THAP11: variants seen among roughly 807,000 people sequenced by gnomAD.
THAP11 encodes the protein THAP domain-containing protein 11.
A neutral mutation model predicts 24.1 loss-of-function variants in THAP11; 8 were observed. That is an observed-to-expected ratio of 0.33 (90% CI 0.20 to 0.60). The LOEUF (loss-of-function observed/expected upper bound fraction) is 0.60. Among genes scored for constraint, THAP11 ranks in the 20% least tolerant of loss-of-function variants. THAP11 has a pLI of 0.82. For missense variants in THAP11, 276 were observed against 418.4 expected (o/e 0.66, Z 2.97); for synonymous variants, 222 against 180.2 (o/e 1.23, Z -1.86).
In THAP11 at chr16:67,843,041, A is replaced by G. The variant is rs140098026; in HGVS notation, c.487A>G (p.Thr163Ala). 5 of 1,612,380 alleles carry G rather than the reference A, an allele frequency of 3.1e-6. 1 individual carries two copies. The highest frequency in any genetic ancestry group is 1.6e-4 in the Middle Eastern group (1 of 6,062). Residue 163 changes from threonine to alanine, a missense_variant, in exon 1 of 1, where the codon ACT (threonine) becomes GCT (alanine). This residue lies in a region of THAP11 where 210 missense variants were observed against 203.4 expected (regional missense o/e 1.03). Transcript: ENST00000303596. This position sits in a 1 kb window ranked among gnomAD's most constrained non-coding sequence, Gnocchi z 5.7. ...SAAVLLTLQA[T>A]VDSSQAPGSV... ...GGCCGTGCTTCTCACCCTTCAGGCC[A>G]CTGTAGACAGCAGTCAGGCTCCGGG...
In THAP11 at chr16:67,842,872, GCAACAGCAGCAGCAGCAGCAA is replaced by G. The variant is rs1567374248; in HGVS notation, c.321_341del (p.Gln126_Gln132del). 4 of 1,604,552 alleles carry G rather than the reference GCAACAGCAGCAGCAGCAGCAA, an allele frequency of 2.5e-6. No homozygotes were observed. Among genetic ancestry groups the G allele is most frequent in the Admixed American group, 1.7e-5 (1 of 59,710 alleles). ...CGGCCGCCCGCCGCAGGCAGCAGCA[GCAACAGCAGCAGCAGCAGCAA>G]CAGCAGCAACAGCAGCAGCAGCAGC... On this transcript the variant is annotated inframe_deletion, in exon 1 of 1. Transcript: ENST00000303596. The surrounding 1 kb of genome is among the most constrained non-coding windows in gnomAD (Gnocchi z 4.9).
rs569644247 is a variant in THAP11 at position 67,842,957 on chromosome 16, C to T, written c.403C>T (p.Pro135Ser). 5.0e-6 allele frequency: 8 copies of T among 1,611,898 alleles called. No homozygotes were observed. Among genetic ancestry groups the T allele is most frequent in the South Asian group, 3.3e-5 (3 of 91,090 alleles). ...QQQQQQQQSSPSASTAQTAQL... is the reference protein window; with the variant it reads ...QQQQQQQQSSSSASTAQTAQL... The stretch of plus-strand genomic sequence containing the variant: ...GCAGCAGCAGCAGCAGCAGTCCTCA[C>T]CCTCTGCCTCCACTGCCCAGACTGC... The change falls in exon 1 of 1, where the codon CCC becomes TCC. Residue 135 changes from proline to serine, a missense_variant. Physicochemically the swap from Pro to Ser is moderately conservative, Grantham distance 74 (BLOSUM62 -1). Coordinates refer to ENST00000303596, the MANE Select transcript of THAP11 (RefSeq NM_020457.3). This position sits in a 1 kb window ranked among gnomAD's most constrained non-coding sequence, Gnocchi z 4.9.
At position 67,842,862 on chromosome 16, in the gene THAP11, GGCAGCAGCAGCAACA is replaced by G. The variant is rs756173111; in HGVS notation, c.321_335del (p.Gln128_Gln132del). 9 of 1,607,920 alleles carry G rather than the reference GGCAGCAGCAGCAACA, an allele frequency of 5.6e-6. No individual in the cohort carries two copies. Among genetic ancestry groups the G allele is most frequent in the Non-Finnish European group, 6.8e-6 (8 of 1,177,538 alleles). The stretch of plus-strand genomic sequence containing the variant: ...GCTGGGGCCGCGGCCGCCCGCCGCA[GGCAGCAGCAGCAACA>G]GCAGCAGCAGCAGCAACAGCAGCAA... On this transcript the variant is annotated inframe_deletion, in exon 1 of 1. Coordinates refer to ENST00000303596, the MANE Select transcript of THAP11 (RefSeq NM_020457.3). This position sits in a 1 kb window ranked among gnomAD's most constrained non-coding sequence, Gnocchi z 4.9.
Position 67,842,794 on chromosome 16 carries a change from C to T in THAP11, c.240C>T (p.Phe80=), listed in dbSNP as rs188675529. ...ACACGGTACGCGTCCCCACCATCTT[C>T]CCGCTGCGCGGCGTCAATGAGCGCA... is the stretch of plus-strand genomic sequence containing the variant. ...KTYTVRVPTI[F]PLRGVNERKV... is the part of the protein sequence containing the mutation. Residue 80 remains phenylalanine (F), a synonymous_variant, in exon 1 of 1, where the codon TTC becomes TTT. Coordinates refer to ENST00000303596, the MANE Select transcript of THAP11 (RefSeq NM_020457.3). This position sits in a 1 kb window ranked among gnomAD's most constrained non-coding sequence, Gnocchi z 4.9. 5.9e-4 allele frequency: 948 copies of T among 1,611,282 alleles called. 11 individuals are homozygous for T. The East Asian group carries it at 0.019, about 32-fold the overall frequency.
At position 67,843,037 on chromosome 16, in the gene THAP11, G is replaced by A; in HGVS notation, c.483G>A (p.Gln161=). ...CCGCGGCCGTGCTTCTCACCCTTCA[G>A]GCCACTGTAGACAGCAGTCAGGCTC... ...SASAAVLLTL[Q]ATVDSSQAPG... The change falls in exon 1 of 1, where the codon CAG becomes CAA. Residue 161 remains glutamine, a synonymous_variant. Transcript: ENST00000303596. The surrounding 1 kb of genome is among the most constrained non-coding windows in gnomAD (Gnocchi z 5.7). The A allele has an allele frequency of 1.2e-6, 2 of 1,612,420 alleles. No homozygotes were observed. Among genetic ancestry groups the A allele is most frequent in the Non-Finnish European group, 1.7e-6 (2 of 1,180,036 alleles).
Position 67,843,580 on chromosome 16 carries a change from TC to T in THAP11, c.*83del. On this transcript the variant is annotated 3_prime_UTR_variant, in exon 1 of 1. Transcript: ENST00000303596. This position sits in a 1 kb window ranked among gnomAD's most constrained non-coding sequence, Gnocchi z 5.7. Reference sequence around the variant, plus strand: ...AGGCCATTGTTGAACTCCTCTATACTCCTGGGCACTGGTTGACAGTACTGAG... The same window carrying T: ...AGGCCATTGTTGAACTCCTCTATACTCTGGGCACTGGTTGACAGTACTGAG... The T allele has an allele frequency of 7.2e-7, 1 of 1,393,856 alleles. No individual in the cohort carries two copies. Among genetic ancestry groups the T allele is most frequent in the Non-Finnish European group, 9.7e-7 (1 of 1,026,352 alleles). The allele number at this position is 1,393,856 out of a possible 1,614,324, so 86.3% of individuals were successfully genotyped here. A position where few individuals can be genotyped will look rare whatever the true frequency, so the allele number is the denominator to read the frequency against.
In THAP11 at chr16:67,843,720, G is replaced by C. The variant is rs2057780373; in HGVS notation, c.*221G>C. On this transcript the variant is annotated 3_prime_UTR_variant, in exon 1 of 1. Coordinates refer to ENST00000303596, the MANE Select transcript of THAP11 (RefSeq NM_020457.3). The surrounding 1 kb of genome is among the most constrained non-coding windows in gnomAD (Gnocchi z 5.7). ...TGGTGACACCAGCAATTATGACTTT[G>C]TCTACCCTTCCTCCCCAGTTATTGT... The C allele has an allele frequency of 1.9e-6, 1 of 513,670 alleles. No individual in the cohort carries two copies. The highest frequency in any genetic ancestry group is 3.5e-6 in the Non-Finnish European group (1 of 283,332). The allele number at this position is 513,670 out of a possible 1,614,324, so 31.8% of individuals were successfully genotyped here. A position where few individuals can be genotyped will look rare whatever the true frequency, so the allele number is the denominator to read the frequency against.
chr16:67,842,902 A>AGCAGCAGCAGCAGCAACAGCAGCAG lies in THAP11; in HGVS notation c.348_349insGCAGCAGCAGCAGCAACAGCAGCAG (p.Gln117AlafsTer131), dbSNP rs2057773216. ...AGCAGCAGCAGCAGCAACAGCAGCA[A>AGCAGCAGCAGCAGCAACAGCAGCAG]CAGCAGCAGCAGCAGCAACAGCAGC... On this transcript the variant is annotated frameshift_variant, in exon 1 of 1. Transcript: ENST00000303596. LOFTEE classifies it high-confidence loss of function. This position sits in a 1 kb window ranked among gnomAD's most constrained non-coding sequence, Gnocchi z 4.9. 52 of 1,583,176 alleles carry AGCAGCAGCAGCAGCAACAGCAGCAG rather than the reference A, an allele frequency of 3.3e-5. No individual in the cohort carries two copies. The Admixed American group carries it at 4.2e-4, about 13-fold the overall frequency.
chr16:67,842,983 C>A lies in THAP11; in HGVS notation c.429C>A (p.Ala143=). The change falls in exon 1 of 1, where the codon GCC becomes GCA. Residue 143 remains alanine (A), a synonymous_variant. Coordinates refer to ENST00000303596, the MANE Select transcript of THAP11 (RefSeq NM_020457.3). This position sits in a 1 kb window ranked among gnomAD's most constrained non-coding sequence, Gnocchi z 4.9. ...SSPSASTAQT[A]QLQPNLVSAS... is the part of the protein sequence containing the mutation. ...CCTCTGCCTCCACTGCCCAGACTGC[C>A]CAGCTGCAGCCGAACCTGGTATCTG... 1 of 1,612,234 alleles carries A rather than the reference C, an allele frequency of 6.2e-7. No homozygotes were observed.
rs1383934976 is a variant in THAP11, at chr16:67,842,584, C to T, written c.30C>T (p.Gly10=). The change falls in exon 1 of 1, where the codon GGC becomes GGT. Residue 10 remains glycine, a synonymous_variant. Transcript: ENST00000303596. The surrounding 1 kb of genome is among the most constrained non-coding windows in gnomAD (Gnocchi z 4.9). MPGFTCCVP[G]CYNNSHRDKA... ...CTGGCTTTACGTGCTGCGTGCCAGG[C>T]TGCTACAACAACTCGCACCGGGACA... 8 of 1,544,650 alleles carry T rather than the reference C, an allele frequency of 5.2e-6. No homozygotes were observed. The Admixed American group carries it at 7.9e-5, about 15-fold the overall frequency.
rs1340303866 is a variant in THAP11, at chr16:67,842,848, G to C, written c.294G>C (p.Ala98=). ...TAGCGCGCAGACCCGCTGGGGCCGC[G>C]GCCGCCCGCCGCAGGCAGCAGCAGC... ...RKVARRPAGA[A]AARRRQQQQQ... The change falls in exon 1 of 1, where the codon GCG becomes GCC. Residue 98 remains alanine, a synonymous_variant. Transcript: ENST00000303596. The surrounding 1 kb of genome is among the most constrained non-coding windows in gnomAD (Gnocchi z 4.9). 1.2e-6 allele frequency: 2 copies of C among 1,605,194 alleles called. No individual in the cohort carries two copies. Among genetic ancestry groups the C allele is most frequent in the Non-Finnish European group, 1.7e-6 (2 of 1,178,666 alleles).
rs1017233076 is a variant in THAP11 at position 67,842,503 on chromosome 16, C to T, written c.-52C>T. The T allele has an allele frequency of 2.8e-6, 4 of 1,403,862 alleles. No individual in the cohort carries two copies. Among genetic ancestry groups the T allele is most frequent in the Admixed American group, 3.1e-5 (1 of 32,468 alleles). The allele number at this position is 1,403,862 out of a possible 1,614,324, so 87.0% of individuals were successfully genotyped here. On this transcript the variant is annotated 5_prime_UTR_variant, in exon 1 of 1. Coordinates refer to ENST00000303596, the MANE Select transcript of THAP11 (RefSeq NM_020457.3). The surrounding 1 kb of genome is among the most constrained non-coding windows in gnomAD (Gnocchi z 4.9). ...GCGGGCGGCGGCGTAGCCACTGGGCCGTCGAAGAGCGCAGGAGGCCGGTGG... is the reference window on the plus strand; with the variant it reads ...GCGGGCGGCGGCGTAGCCACTGGGCTGTCGAAGAGCGCAGGAGGCCGGTGG...
At position 67,842,489 on chromosome 16, in the gene THAP11, C is replaced by A; in HGVS notation, c.-66C>A. On this transcript the variant is annotated 5_prime_UTR_variant, in exon 1 of 1. Coordinates refer to ENST00000303596, the MANE Select transcript of THAP11 (RefSeq NM_020457.3). This position sits in a 1 kb window ranked among gnomAD's most constrained non-coding sequence, Gnocchi z 4.9. ...CCGCCCGTCGAGGGGCGGGCGGCGG[C>A]GTAGCCACTGGGCCGTCGAAGAGCG... 2 of 1,253,716 alleles carry A rather than the reference C, an allele frequency of 1.6e-6. No homozygotes were observed. Among genetic ancestry groups the A allele is most frequent in the Non-Finnish European group, 1.0e-6 (1 of 990,726 alleles). The allele number at this position is 1,253,716 out of a possible 1,614,324, so 77.7% of individuals were successfully genotyped here. A position where few individuals can be genotyped will look rare whatever the true frequency, so the allele number is the denominator to read the frequency against.
rs1567374232 is a variant in THAP11 at position 67,842,869 on chromosome 16, GCAGCAACAGCAGCAGCAGCAGCAA to G, written c.321_344del (p.Gln125_Gln132del). On this transcript the variant is annotated inframe_deletion, in exon 1 of 1. Coordinates refer to ENST00000303596, the MANE Select transcript of THAP11 (RefSeq NM_020457.3). This position sits in a 1 kb window ranked among gnomAD's most constrained non-coding sequence, Gnocchi z 4.9. The stretch of plus-strand genomic sequence containing the variant: ...CCGCGGCCGCCCGCCGCAGGCAGCA[GCAGCAACAGCAGCAGCAGCAGCAA>G]CAGCAGCAACAGCAGCAGCAGCAGC... The G allele has an allele frequency of 6.2e-7, 1 of 1,604,542 alleles. No homozygotes were observed. Among genetic ancestry groups the G allele is most frequent in the Admixed American group, 1.7e-5 (1 of 59,708 alleles).
Position 67,843,197 on chromosome 16 carries a change from A to G in THAP11, c.643A>G (p.Thr215Ala), listed in dbSNP as rs772311449. Residue 215 changes from threonine to alanine, a missense_variant, in exon 1 of 1, where the codon ACC (threonine) becomes GCC (alanine). Thr to Ala is a moderately conservative substitution (Grantham distance 58). Transcript: ENST00000303596. This position sits in a 1 kb window ranked among gnomAD's most constrained non-coding sequence, Gnocchi z 5.7. ...CGCCGCGTCGGAGTTACAGGCTGCT[A>G]CCGCAGGGCTGGAGGCTGCCGAGTG... ...AAAASELQAA[T>A]AGLEAAECPM... 6.2e-7 allele frequency: 1 copy of G among 1,611,556 alleles called. No homozygotes were observed. The highest frequency in any genetic ancestry group is 8.5e-7 in the Non-Finnish European group (1 of 1,179,728).
Position 67,842,369 on chromosome 16 carries a change from G to A in THAP11, c.-186G>A. 4.0e-6 allele frequency: 1 copy of A among 248,244 alleles called. No individual in the cohort carries two copies. The allele number at this position is 248,244 out of a possible 1,614,324, so 15.4% of individuals were successfully genotyped here. A position where few individuals can be genotyped will look rare whatever the true frequency, so the allele number is the denominator to read the frequency against. ...GGCAGCCAGGCGGGCGGCGCGGCGC[G>A]GGCCGGCAGGAAGCGTATTCTGGGC... On this transcript the variant is annotated 5_prime_UTR_variant, in exon 1 of 1. Transcript: ENST00000303596. The surrounding 1 kb of genome is among the most constrained non-coding windows in gnomAD (Gnocchi z 4.9).
At position 67,842,397 on chromosome 16, in the gene THAP11, G is replaced by T; in HGVS notation, c.-158G>T. ...CCGGCAGGAAGCGTATTCTGGGCAC[G>T]GGGCGCCGGGCGGGCCGGCTGCGCC... On this transcript the variant is annotated 5_prime_UTR_variant, in exon 1 of 1. Coordinates refer to ENST00000303596, the MANE Select transcript of THAP11 (RefSeq NM_020457.3). The surrounding 1 kb of genome is among the most constrained non-coding windows in gnomAD (Gnocchi z 4.9). 2.7e-6 allele frequency: 1 copy of T among 375,264 alleles called. No homozygotes were observed. The highest frequency in any genetic ancestry group is 4.1e-6 in the Non-Finnish European group (1 of 244,886). 23.2% of individuals were successfully genotyped at this position (375,264 alleles called of 1,614,324 possible).
In THAP11 at chr16:67,843,693, C is replaced by T. The variant is rs2057780265; in HGVS notation, c.*194C>T. On this transcript the variant is annotated 3_prime_UTR_variant, in exon 1 of 1. Coordinates refer to ENST00000303596, the MANE Select transcript of THAP11 (RefSeq NM_020457.3). The surrounding 1 kb of genome is among the most constrained non-coding windows in gnomAD (Gnocchi z 5.7). ...TGGAAGCTGGGGCCTTAGACTCTGC[C>T]CTGGTGACACCAGCAATTATGACTT... 1.8e-6 allele frequency: 1 copy of T among 564,946 alleles called. No homozygotes were observed. The highest frequency in any genetic ancestry group is 3.2e-6 in the Non-Finnish European group (1 of 316,068). 35.0% of individuals were successfully genotyped at this position (564,946 alleles called of 1,614,324 possible).
chr16:67,843,200 G>T lies in THAP11; in HGVS notation c.646G>T (p.Ala216Ser). The T allele has an allele frequency of 1.9e-6, 3 of 1,611,358 alleles. No individual in the cohort carries two copies. Among genetic ancestry groups the T allele is most frequent in the South Asian group, 2.2e-5 (2 of 91,074 alleles). Reference sequence around the variant, plus strand: ...CGCGTCGGAGTTACAGGCTGCTACCGCAGGGCTGGAGGCTGCCGAGTGCCC... The same window carrying T: ...CGCGTCGGAGTTACAGGCTGCTACCTCAGGGCTGGAGGCTGCCGAGTGCCC... ...AAASELQAAT[A>S]GLEAAECPMG... Residue 216 changes from alanine (A) to serine (S), a missense_variant, in exon 1 of 1, where the codon GCA becomes TCA. Ala to Ser is a moderately conservative substitution (Grantham distance 99). Coordinates refer to ENST00000303596, the MANE Select transcript of THAP11 (RefSeq NM_020457.3). The surrounding 1 kb of genome is among the most constrained non-coding windows in gnomAD (Gnocchi z 5.7).
Sources: gnomAD v4.1 joint callset for allele counts on GRCh38, gnomAD v4.1.1 for gene constraint, gnomAD v4.1.1 regional missense constraint, Gnocchi (gnomAD v3.1) non-coding constraint, MANE v1.5 for transcripts, NCBI Gene and HGNC (gene_info 2026-07-23, HGNC 2026-07-21) for gene names.